The following SLC24A2 variants were observed in gnomAD, a reference collection of about 807,000 sequenced individuals.
SLC24A2 encodes solute carrier family 24 member 2, also known as sodium/potassium/calcium exchanger 2.
In SLC24A2, 36 loss-of-function variants were observed where a neutral mutation model predicts 62.0. That is an observed-to-expected ratio of 0.58 (90% CI 0.44 to 0.77). The LOEUF (loss-of-function observed/expected upper bound fraction) is 0.77. Ranked by LOEUF, SLC24A2 falls within the 30% of genes least tolerant of loss-of-function variation. SLC24A2 has a pLI of 0.00. For missense variants in SLC24A2, 846 were observed against 817.9 expected, an observed-to-expected ratio of 1.03 and a Z score of -0.42; for synonymous variants, 358 against 294.0, an observed-to-expected ratio of 1.22 and a Z score of -2.23.
chr9:19,933,676 C>T, the SLC24A2 span, among the ~76,000 whole-genome samples: 15 of 152,284 alleles, frequency 9.9e-5, no homozygotes, highest in African/African-American at 3.4e-4. Context: ...CATGCATCTT[C>T]GTAGCAGCAT....
the SLC24A2 span, among the ~76,000 whole-genome samples, chr9:19,904,633 T>C: frequency 6.6e-6 from 1 of 152,226 alleles, no homozygotes; most frequent in Non-Finnish European, 1.5e-5. Flanking sequence ...GTTTTTGATG[T>C]TTTCATTACT....
At chr9:19,999,316 G>T in the SLC24A2 span, among the ~76,000 whole-genome samples, 1 of 152,196 alleles carries the variant, frequency 6.6e-6, no homozygotes, top group Non-Finnish European at 1.5e-5. Context: ...AGTGTTCCCA[G>T]TTAATTGGGT....
chr9:20,293,559 G>A, the SLC24A2 span, among the ~76,000 whole-genome samples: 6 of 152,192 alleles, frequency 3.9e-5, no homozygotes, highest in Non-Finnish European at 5.9e-5. Flanking sequence ...AGGAAGCACT[G>A]TTATTACCAC....
the SLC24A2 span, among the ~76,000 whole-genome samples, chr9:19,979,317 C>T: frequency 1.3e-5 from 2 of 152,096 alleles, no homozygotes; most frequent in East Asian, 3.9e-4. Context: ...CCAGGTGATG[C>T]CAATGCCACT....
At chr9:20,286,400 C>T in the SLC24A2 span, among the ~76,000 whole-genome samples, 1 of 152,200 alleles carries the variant, frequency 6.6e-6, no homozygotes, top group Non-Finnish European at 1.5e-5. Flanking sequence ...GGCTTTTGTT[C>T]TTTGCTTATT....
chr9:19,845,775 T>G, the SLC24A2 span, among the ~76,000 whole-genome samples: 1 of 152,140 alleles, frequency 6.6e-6, no homozygotes, highest in Admixed American at 6.5e-5. Context: ...TCCAGAGATT[T>G]TGGTATGTTG....
chr9:20,165,768 G>C, the SLC24A2 span, among the ~76,000 whole-genome samples: 4 of 151,808 alleles, frequency 2.6e-5, no homozygotes, highest in Non-Finnish European at 4.4e-5. Context: ...ATCCACGTGT[G>C]ACAATGAAAA....
At chr9:20,131,115 C>A in the SLC24A2 span, among the ~76,000 whole-genome samples, 14 of 151,248 alleles carry the variant, frequency 9.3e-5, no homozygotes, top group Admixed American at 9.2e-4. Context: ...AAAAGGGGGT[C>A]CAGCAGTTCA....
the SLC24A2 span, among the ~76,000 whole-genome samples, chr9:19,849,889 A>G: frequency 1.3e-5 from 2 of 152,212 alleles, no homozygotes; most frequent in Non-Finnish European, 2.9e-5. Context: ...AAAGTTCTTT[A>G]ATGGTCGTTG....
chr9:20,023,414 G>C, the SLC24A2 span, among the ~76,000 whole-genome samples: 4 of 152,136 alleles, frequency 2.6e-5, no homozygotes, highest in African/African-American at 9.7e-5. Flanking sequence ...GAATTAGCAG[G>C]CTTGGTTACT....
the SLC24A2 span, among the ~76,000 whole-genome samples, chr9:20,041,135 A>C: frequency 8.1e-4 from 123 of 152,326 alleles, no homozygotes; most frequent in African/African-American, 2.9e-3. Context: ...AGAAAGAGAG[A>C]GAGTGCGTGT....
chr9:19,531,848 G>A (rs567585919), intron 8 of SLC24A2, among the ~76,000 whole-genome samples: 1 of 152,098 alleles, frequency 6.6e-6, no homozygotes, highest in African/African-American at 2.4e-5. Flanking sequence ...CTGTAAAATG[G>A]GAGAAATAAC....
the SLC24A2 span, among the ~76,000 whole-genome samples, chr9:20,200,692 G>T: frequency 6.7e-3 from 1,013 of 152,296 alleles, 4 homozygotes; most frequent in Non-Finnish European, 0.011. Context: ...AGCTTTATTA[G>T]CTTCATGGTA....
chr9:20,191,612 C>A, the SLC24A2 span, among the ~76,000 whole-genome samples: 2 of 151,220 alleles, frequency 1.3e-5, no homozygotes, highest in East Asian at 3.9e-4. Flanking sequence ...ATGGATCCAC[C>A]AGGGGCCACC....
the SLC24A2 span, among the ~76,000 whole-genome samples, chr9:19,918,941 C>T: frequency 0.016 from 2,446 of 152,252 alleles, 64 homozygotes; most frequent in African/African-American, 0.056. Context: ...ATGTTCTGGG[C>T]AAGAAAGATA....
chr9:20,269,165 A>T, the SLC24A2 span, among the ~76,000 whole-genome samples: 2 of 152,088 alleles, frequency 1.3e-5, no homozygotes, highest in African/African-American at 4.8e-5. Flanking sequence ...GGTGTGCAGG[A>T]GGGGGTCTTA....
the SLC24A2 span, among the ~76,000 whole-genome samples, chr9:20,105,561 A>G: frequency 1.3e-5 from 2 of 152,168 alleles, no homozygotes; most frequent in Admixed American, 6.5e-5. Context: ...AAACCACTCA[A>G]CTACATGGAA....
At chr9:19,682,792 T>C (rs1273355450) in intron 2 of SLC24A2, among the ~76,000 whole-genome samples, 2 of 152,192 alleles carry the variant, frequency 1.3e-5, no homozygotes, top group Non-Finnish European at 2.9e-5. Context: ...AATTTGTCTT[T>C]ATTCTAAGCA....
rs1343827961 is a variant in SLC24A2, at chr9:19,636,278, CTTCTTCTCTTCTT to C, written c.931-13992_931-13980del. ...TCCTTTTCTTTTCTTCTCTTCTTCTCTTCTTCTCTTCTTTTCTTTTCTTTTCTTTTCTTTTCTT... is the reference window on the plus strand; with the variant it reads ...TCCTTTTCTTTTCTTCTCTTCTTCTCTTCTTTTCTTTTCTTTTCTTTTCTT... On this transcript the variant is annotated intron_variant, in intron 2 of 10. Coordinates refer to ENST00000341998, the MANE Select transcript of SLC24A2 (RefSeq NM_020344.4). 2.7e-3 allele frequency among the ~76,000 whole-genome samples: 31 copies of C among 11,516 alleles called. 3 individuals are homozygous for C. The highest frequency in any genetic ancestry group is 7.7e-3 in the African/African-American group (29 of 3,772). 7.6% of individuals were successfully genotyped at this position (11,516 alleles called of 152,430 possible).
Sources: allele counts gnomAD v4.1 joint callset (sites outside exome capture counted in the v4.1 genomes callset), GRCh38; gene constraint gnomAD v4.1.1; transcripts MANE v1.5; gene names NCBI Gene and HGNC (gene_info 2026-07-23, HGNC 2026-07-21).